Variants in RGS6 observed in about 807,000 individuals in gnomAD.
RGS6 encodes the protein regulator of G protein signaling 6.
In RGS6, 30 loss-of-function variants were observed where a neutral mutation model predicts 78.5. The ratio of observed to expected loss-of-function variants is 0.38; its 90% confidence interval spans 0.29 to 0.52. The LOEUF (loss-of-function observed/expected upper bound fraction) is 0.52. Among genes scored for constraint, RGS6 ranks in the 20% least tolerant of loss-of-function variants. The pLI, the probability that RGS6 is intolerant of heterozygous loss-of-function variation, is 0.85. For synonymous variants in RGS6, 206 were observed against 206.0 expected (o/e 1.00, Z 0.00); for missense variants, 495 against 609.7 (o/e 0.81, Z 1.98).
At chr14:71,910,206 C>CA in the RGS6 span, among the ~76,000 whole-genome samples, 1 of 5,882 alleles carries the variant, frequency 1.7e-4, no homozygotes, top group Non-Finnish European at 4.9e-4. Context: ...AAAACAAAAA[C>CA]AAAACAAAAC....
intron 3 of RGS6, among the ~76,000 whole-genome samples, chr14:72,377,701 A>G (rs376895168): frequency 7.9e-5 from 12 of 152,304 alleles, no homozygotes; most frequent in Middle Eastern, 3.4e-3. Flanking sequence ...ATGGCCAGGC[A>G]TGGTGTAATC....
chr14:72,285,011 A>G (rs1457925409), intron 2 of RGS6, among the ~76,000 whole-genome samples: 1 of 152,112 alleles, frequency 6.6e-6, no homozygotes, highest in Non-Finnish European at 1.5e-5. Context: ...CCCATTTGGG[A>G]TGGGTATATC....
At chr14:71,959,070 G>A (rs2083245506) in intron 1 of RGS6, among the ~76,000 whole-genome samples, 1 of 152,188 alleles carries the variant, frequency 6.6e-6, no homozygotes, top group African/African-American at 2.4e-5. Flanking sequence ...CGTACTTTAA[G>A]ATCTTGGTGC....
chr14:72,070,670 C>T (rs2094376174), intron 2 of RGS6, among the ~76,000 whole-genome samples: 1 of 152,152 alleles, frequency 6.6e-6, no homozygotes, highest in Non-Finnish European at 1.5e-5. Flanking sequence ...TGGCTCCACT[C>T]TAAATTGATG....
At chr14:72,118,179 A>T (rs775140705) in intron 2 of RGS6, among the ~76,000 whole-genome samples, 4 of 151,908 alleles carry the variant, frequency 2.6e-5, no homozygotes, top group Non-Finnish European at 5.9e-5. Flanking sequence ...ACAACAAAAA[A>T]CAGGTGTCTG....
intron 2 of RGS6, among the ~76,000 whole-genome samples, chr14:72,088,833 C>T (rs1039341810): frequency 6.6e-6 from 1 of 152,184 alleles, no homozygotes; most frequent in Non-Finnish European, 1.5e-5. Flanking sequence ...TCACCCTGGC[C>T]TTCTTTCTGC....
At chr14:72,347,357 A>G (rs970851690) in intron 2 of RGS6, among the ~76,000 whole-genome samples, 3 of 152,342 alleles carry the variant, frequency 2.0e-5, no homozygotes, top group Middle Eastern at 3.4e-3. Context: ...AGCCCTGCAC[A>G]GCAAGACAGC....
At chr14:72,417,857 A>G (rs2093934538) in intron 3 of RGS6, among the ~76,000 whole-genome samples, 2 of 152,208 alleles carry the variant, frequency 1.3e-5, no homozygotes, top group South Asian at 4.1e-4. Flanking sequence ...ATCTGTAACA[A>G]GAAGCAACTG....
At position 72,009,362 on chromosome 14, in the gene RGS6, A is replaced by G. The variant is rs149557941; in HGVS notation, c.84+44487A>G. On this transcript the variant is annotated intron_variant, in intron 2 of 17. Transcript: ENST00000553525. ...GACCCCCCACCCCAAACTCTAAAAAAAAACAGACAAAAACATTGAGCACTA... is the reference window on the plus strand; with the variant it reads ...GACCCCCCACCCCAAACTCTAAAAAGAAACAGACAAAAACATTGAGCACTA... Among the ~76,000 whole-genome samples the G allele has an allele frequency of 1.9e-4, 29 of 152,240 alleles. 3 individuals are homozygous for G. The East Asian group carries it at 5.6e-3, about 29-fold the overall frequency.
intron 2 of RGS6, among the ~76,000 whole-genome samples, chr14:72,294,673 G>C (rs1035572186): frequency 6.6e-6 from 1 of 152,156 alleles, no homozygotes; most frequent in Non-Finnish European, 1.5e-5. Flanking sequence ...AAGGTGAAAG[G>C]AGGAGCAGCA....
At chr14:72,360,734 T>A (rs1160614836) in intron 3 of RGS6, among the ~76,000 whole-genome samples, 1 of 152,064 alleles carries the variant, frequency 6.6e-6, no homozygotes, top group African/African-American at 2.4e-5. Context: ...ACTAGGAAAG[T>A]AGAGATTGAC....
chr14:72,554,094 G>C (rs1417127338), intron 17 of RGS6, among the ~76,000 whole-genome samples: 1 of 152,252 alleles, frequency 6.6e-6, no homozygotes, highest in Non-Finnish European at 1.5e-5. Context: ...TTGCATTCCT[G>C]ATAGTGGGGA....
intron 2 of RGS6, among the ~76,000 whole-genome samples, chr14:72,125,638 G>C (rs370841264): frequency 3.9e-5 from 6 of 152,158 alleles, no homozygotes; most frequent in South Asian, 4.2e-4. Context: ...GGTCTATTGT[G>C]GGGGGAAAGG....
chr14:72,168,293 C>T (rs1324064201), intron 2 of RGS6, among the ~76,000 whole-genome samples: 1 of 152,098 alleles, frequency 6.6e-6, no homozygotes, highest in African/African-American at 2.4e-5. Flanking sequence ...CCCCCACAGG[C>T]CTCGGAATGT....
intron 17 of RGS6, chr14:72,547,417 T>G: frequency 9.1e-7 from 1 of 1,097,716 alleles, no homozygotes; most frequent in Non-Finnish European, 1.3e-6. Flanking sequence ...GAGCTCCTGG[T>G]GGAAACAACA....
intron 17 of RGS6, among the ~76,000 whole-genome samples, chr14:72,546,147 G>A (rs980819430): frequency 5.3e-5 from 8 of 152,220 alleles, no homozygotes; most frequent in African/African-American, 1.9e-4. Flanking sequence ...TGGGAAATAA[G>A]AGTATGAGAG....
intron 2 of RGS6, among the ~76,000 whole-genome samples, chr14:71,999,577 G>T (rs115889190): frequency 0.039 from 5,935 of 152,220 alleles, 381 homozygotes; most frequent in African/African-American, 0.13. Context: ...CTCAATGTTG[G>T]AGGTGGGGCC....
the RGS6 span, among the ~76,000 whole-genome samples, chr14:71,886,671 A>G: frequency 2.6e-5 from 4 of 152,228 alleles, no homozygotes; most frequent in African/African-American, 7.2e-5. Context: ...TTTGCAAGGT[A>G]TATCTTTAAT....
chr14:72,260,689 C>T (rs762769620), intron 2 of RGS6, among the ~76,000 whole-genome samples: 3 of 152,204 alleles, frequency 2.0e-5, no homozygotes, highest in Non-Finnish European at 4.4e-5. Flanking sequence ...TGGCATCTCA[C>T]TTCCCACTTG....
Sources: gnomAD v4.1 joint callset for allele counts (sites outside exome capture counted in the v4.1 genomes callset) on GRCh38, gnomAD v4.1.1 for gene constraint, MANE v1.5 for transcripts, NCBI Gene and HGNC (gene_info 2026-07-23, HGNC 2026-07-21) for gene names.